The following TRAT1 variants were observed in gnomAD, a reference collection of about 807,000 sequenced individuals.
TRAT1 encodes the protein T-cell receptor-associated transmembrane adapter 1.
In TRAT1, 20 loss-of-function variants were observed where a neutral mutation model predicts 20.0. That is an observed-to-expected ratio of 1.00 (90% CI 0.70 to 1.45). The LOEUF (loss-of-function observed/expected upper bound fraction) is 1.45. Among genes scored for constraint, TRAT1 ranks in the 40% most tolerant of loss-of-function variants. The pLI is 0.00. For synonymous variants in TRAT1, 77 were observed against 74.2 expected (o/e 1.04, Z -0.20); for missense variants, 237 against 224.1 (o/e 1.06, Z -0.37).
chr3:108,849,168 C>T lies in TRAT1; in HGVS notation c.217C>T (p.Pro73Ser). The T allele has an allele frequency of 1.2e-6, 2 of 1,612,866 alleles. No homozygotes were observed. The highest frequency in any genetic ancestry group is 1.7e-6 in the Non-Finnish European group (2 of 1,179,400). The change falls in exon 5 of 6, where the codon CCA (proline) becomes TCA (serine). Residue 73 changes from proline (P) to serine (S), a missense_variant and splice_region_variant. Transcript: ENST00000295756. ...TCACAATCTTTTTAATTCCCAAGAA[C>T]CAATGGATGAAAATTGCTATGAACA... Reference protein sequence around the residue: ...YGNLDDMISEPMDENCYEQMK... With the variant: ...YGNLDDMISESMDENCYEQMK...
intron 1 of TRAT1, among the ~76,000 whole-genome samples, chr3:108,830,272 A>G (rs1446476918): frequency 3.9e-5 from 6 of 152,228 alleles, no homozygotes; most frequent in Admixed American, 1.3e-4. Context: ...TTTTCTGTAA[A>G]TAAGGAAAGC....
At chr3:108,834,508 T>A (rs1945821882) in intron 2 of TRAT1, among the ~76,000 whole-genome samples, 1 of 152,246 alleles carries the variant, frequency 6.6e-6, no homozygotes, top group African/African-American at 2.4e-5. Flanking sequence ...ACAGTTCAGT[T>A]CCTTCCAATC....
chr3:108,834,459 AC>A (rs1945821348), intron 2 of TRAT1, among the ~76,000 whole-genome samples: 1 of 152,186 alleles, frequency 6.6e-6, no homozygotes, highest in Non-Finnish European at 1.5e-5. Flanking sequence ...TTTGTTTCTA[AC>A]CCAGAGATTT....
At chr3:108,832,425 A>C (rs1349838510) in intron 2 of TRAT1, among the ~76,000 whole-genome samples, 1 of 152,248 alleles carries the variant, frequency 6.6e-6, no homozygotes, top group Admixed American at 6.5e-5. Flanking sequence ...CATAAACTAT[A>C]TAAGTCAGAT....
At chr3:108,838,163 G>A (rs1945855766) in intron 2 of TRAT1, among the ~76,000 whole-genome samples, 1 of 151,980 alleles carries the variant, frequency 6.6e-6, no homozygotes, top group Non-Finnish European at 1.5e-5. Context: ...GTTAATTTTA[G>A]AGCCTGTGTT....
intron 3 of TRAT1, among the ~76,000 whole-genome samples, chr3:108,845,946 G>A (rs928164498): frequency 6.6e-6 from 1 of 152,140 alleles, no homozygotes; most frequent in African/African-American, 2.4e-5. Flanking sequence ...CATTACTCAC[G>A]TGAGGCTGGA....
intron 4 of TRAT1, 84 bp downstream of exon 4, chr3:108,847,213 C>A: frequency 5.1e-6 from 4 of 780,310 alleles, no homozygotes; most frequent in South Asian, 3.2e-5. Flanking sequence ...TTAAAAAAAT[C>A]AAATCACACT....
At chr3:108,835,276 T>C (rs1436456866) in intron 2 of TRAT1, among the ~76,000 whole-genome samples, 1 of 152,244 alleles carries the variant, frequency 6.6e-6, no homozygotes. Context: ...AGTGTTTGCA[T>C]CTGAATCACA....
chr3:108,848,985 G>A (rs548530423), intron 4 of TRAT1, among the ~76,000 whole-genome samples, 181 bp from the exon 5 acceptor site: 3 of 152,192 alleles, frequency 2.0e-5, no homozygotes, highest in African/African-American at 7.2e-5. Context: ...AGACTTCACC[G>A]CCTGATCTGC....
rs142175794 is a variant in TRAT1 at position 108,853,755 on chromosome 3, G to C, written c.439G>C (p.Val147Leu). 5.6e-6 allele frequency: 9 copies of C among 1,614,132 alleles called. No homozygotes were observed. The East Asian group carries it at 6.7e-5, about 12-fold the overall frequency. Residue 147 changes from valine to leucine, a missense_variant, in exon 6 of 6, where the codon GTT becomes CTT. Transcript: ENST00000295756. ...GCAACTACATGCAATAGATGCCAGCGTTTCTAAGACCACCTTAGTAGACAG... is the reference window on the plus strand; with the variant it reads ...GCAACTACATGCAATAGATGCCAGCCTTTCTAAGACCACCTTAGTAGACAG... Reference protein sequence around the residue: ...DEQLHAIDASVSKTTLVDSFS... With the variant: ...DEQLHAIDASLSKTTLVDSFS...
At chr3:108,849,659 C>G (rs1945978675) in intron 5 of TRAT1, among the ~76,000 whole-genome samples, 1 of 152,092 alleles carries the variant, frequency 6.6e-6, no homozygotes, top group Non-Finnish European at 1.5e-5. Flanking sequence ...GATAAATTAG[C>G]TAGATACAAA....
chr3:108,851,797 C>G (rs1252308068), intron 5 of TRAT1, among the ~76,000 whole-genome samples: 3 of 152,168 alleles, frequency 2.0e-5, no homozygotes, highest in Non-Finnish European at 4.4e-5. Context: ...TGGAAGTCTC[C>G]AGTGACTATT....
In TRAT1 at chr3:108,853,739, T is replaced by C; in HGVS notation, c.423T>C (p.His141=). Residue 141 remains histidine, a synonymous_variant, in exon 6 of 6, where the codon CAT becomes CAC. Coordinates refer to ENST00000295756, the MANE Select transcript of TRAT1 (RefSeq NM_016388.4). ...FSDKDGDEQL[H]AIDASVSKTT... is the part of the protein sequence containing the mutation. ...ACAAGGATGGAGATGAGCAACTACA[T>C]GCAATAGATGCCAGCGTTTCTAAGA... 6.2e-7 allele frequency: 1 copy of C among 1,614,126 alleles called. No homozygotes were observed. The highest frequency in any genetic ancestry group is 8.5e-7 in the Non-Finnish European group (1 of 1,179,994).
At position 108,840,579 on chromosome 3, in the gene TRAT1, A is replaced by G. The variant is rs139133190; in HGVS notation, c.152+1612A>G. Among the ~76,000 whole-genome samples the G allele has an allele frequency of 3.7e-3, 563 of 152,230 alleles. 4 individuals carry two copies. The highest frequency in any genetic ancestry group is 0.011 in the African/African-American group (454 of 41,538). On this transcript the variant is annotated intron_variant, in intron 3 of 5. Coordinates refer to ENST00000295756, the MANE Select transcript of TRAT1 (RefSeq NM_016388.4). ...CTTTTATAACATTTATTCATTCAAT[A>G]AATATTCACTCAACAAACAGGCACT...
intron 2 of TRAT1, among the ~76,000 whole-genome samples, chr3:108,836,666 C>A (rs140911768): frequency 6.6e-6 from 1 of 152,108 alleles, no homozygotes; most frequent in Non-Finnish European, 1.5e-5. Context: ...ATATTAATAA[C>A]AAACTTTGTC....
chr3:108,847,319 C>A, intron 4 of TRAT1, 190 bp downstream of exon 4: 1 of 464,488 alleles, frequency 2.2e-6, no homozygotes, highest in Non-Finnish European at 3.8e-6. Flanking sequence ...ATTACAATAG[C>A]CACTCTAAAT....
chr3:108,826,122 AG>A (rs1945736536), intron 1 of TRAT1, among the ~76,000 whole-genome samples: 2 of 152,160 alleles, frequency 1.3e-5, no homozygotes, highest in Admixed American at 6.6e-5. Context: ...AATTAAATTA[AG>A]TAAAGTATTG....
chr3:108,848,641 C>T (rs541994078), intron 4 of TRAT1, among the ~76,000 whole-genome samples: 6 of 152,254 alleles, frequency 3.9e-5, no homozygotes, highest in East Asian at 1.9e-4. Context: ...CTGAGATGTC[C>T]GTCACTGATT....
At chr3:108,850,566 A>C (rs566696511) in intron 5 of TRAT1, among the ~76,000 whole-genome samples, 1 of 152,212 alleles carries the variant, frequency 6.6e-6, no homozygotes, top group Non-Finnish European at 1.5e-5. Flanking sequence ...GGCCTCCCAA[A>C]GTGCTGGGAT....
Sources: gnomAD v4.1 joint callset for allele counts (sites outside exome capture counted in the v4.1 genomes callset) on GRCh38, gnomAD v4.1.1 for gene constraint, MANE v1.5 for transcripts, NCBI Gene and HGNC (gene_info 2026-07-23, HGNC 2026-07-21) for gene names.